The following UBXN4 variants were observed in gnomAD, a reference collection of about 807,000 sequenced individuals.
UBXN4 encodes the protein UBX domain-containing protein 4.
A neutral mutation model predicts 66.2 loss-of-function variants in UBXN4; 35 were observed. That is an observed-to-expected ratio of 0.53 (90% CI 0.40 to 0.70). The LOEUF is 0.70. UBXN4 is among the 30% of genes least tolerant of loss of function. UBXN4 has a pLI of 0.00. For missense variants in UBXN4, 533 were observed against 599.8 expected, an observed-to-expected ratio of 0.89 and a Z score of 1.16; for synonymous variants, 203 against 204.5, an observed-to-expected ratio of 0.99 and a Z score of 0.06.
intron 3 of UBXN4, 51 bp downstream of exon 3, chr2:135,753,618 T>C: frequency 7.4e-7 from 1 of 1,343,764 alleles, no homozygotes; most frequent in South Asian, 1.7e-5. Flanking sequence ...TTTACCTTCC[T>C]TTTGGTTAAT....
chr2:135,766,586 A>G (rs1053197585), intron 6 of UBXN4, among the ~76,000 whole-genome samples: 4 of 152,216 alleles, frequency 2.6e-5, no homozygotes, highest in East Asian at 3.8e-4. Context: ...TGTTTCTACA[A>G]TGTCCTTTGA....
chr2:135,757,198 T>C (rs912311896), intron 5 of UBXN4, among the ~76,000 whole-genome samples: 2 of 152,186 alleles, frequency 1.3e-5, no homozygotes, highest in Admixed American at 6.5e-5. Context: ...TTCACACTTA[T>C]TTTTTCTTCT....
intron 9 of UBXN4, among the ~76,000 whole-genome samples, chr2:135,774,294 G>C (rs1457080663): frequency 6.6e-6 from 1 of 152,054 alleles, no homozygotes; most frequent in Non-Finnish European, 1.5e-5. Context: ...TTGGACAACT[G>C]AATATCTACA....
chr2:135,741,893 C>CTA lies in UBXN4; in HGVS notation c.-36_-35dup. The CTA allele has an allele frequency of 6.3e-7, 1 of 1,596,644 alleles. No individual in the cohort carries two copies. Among genetic ancestry groups the CTA allele is most frequent in the Non-Finnish European group, 8.5e-7 (1 of 1,172,100 alleles). On this transcript the variant is annotated 5_prime_UTR_variant, in exon 1 of 13. Coordinates refer to ENST00000272638, the MANE Select transcript of UBXN4 (RefSeq NM_014607.4). ...GGAGCCGGCTTCGGGACTGCGGAGA[C>CTA]TACACACCGAGCGAGCGCCTGGGCC...
At chr2:135,764,496 A>G (rs1340510994) in intron 6 of UBXN4, among the ~76,000 whole-genome samples, 1 of 152,014 alleles carries the variant, frequency 6.6e-6, no homozygotes, top group Non-Finnish European at 1.5e-5. Context: ...ATTAATGGAT[A>G]TACAATGGTT....
intron 2 of UBXN4, among the ~76,000 whole-genome samples, chr2:135,749,033 C>G (rs1043821966): frequency 6.7e-6 from 1 of 150,162 alleles, no homozygotes; most frequent in Non-Finnish European, 1.5e-5. Flanking sequence ...GAGAGCAAGA[C>G]TATCTCAAAA....
At chr2:135,770,240 G>C (rs184562308) in intron 7 of UBXN4, among the ~76,000 whole-genome samples, 17 of 152,226 alleles carry the variant, frequency 1.1e-4, no homozygotes, top group African/African-American at 4.1e-4. Context: ...CATGTCTTTG[G>C]AGTTCTAATA....
At chr2:135,759,411 A>G (rs1240123810) in intron 5 of UBXN4, among the ~76,000 whole-genome samples, 2 of 152,056 alleles carry the variant, frequency 1.3e-5, no homozygotes, top group Non-Finnish European at 1.5e-5. Flanking sequence ...ATATATTGCT[A>G]TTGGTTGATG....
intron 6 of UBXN4, among the ~76,000 whole-genome samples, chr2:135,767,796 G>C (rs2077357250): frequency 6.6e-6 from 1 of 152,098 alleles, no homozygotes; most frequent in Non-Finnish European, 1.5e-5. Context: ...GAATTTCTGG[G>C]TTATACATAG....
In UBXN4 at chr2:135,784,278, C is replaced by T. The variant is rs2077470492; in HGVS notation, c.*1391C>T. ...CAAGAACTGGAAACCAACTAAATGC[C>T]TTCTATAGAAGTAATTTTTGATGAG... On this transcript the variant is annotated 3_prime_UTR_variant, in exon 13 of 13. Coordinates refer to ENST00000272638, the MANE Select transcript of UBXN4 (RefSeq NM_014607.4). 1 of 152,082 alleles carries T rather than the reference C, an allele frequency of 6.6e-6. No homozygotes were observed. Among genetic ancestry groups the T allele is most frequent in the Non-Finnish European group, 1.5e-5 (1 of 67,998 alleles). 9.4% of individuals were successfully genotyped at this position (152,082 alleles called of 1,614,324 possible).
At chr2:135,743,869 A>ATG (rs1244487561) in intron 1 of UBXN4, among the ~76,000 whole-genome samples, 1 of 151,960 alleles carries the variant, frequency 6.6e-6, no homozygotes, top group Non-Finnish European at 1.5e-5. Context: ...TTGTGTATAT[A>ATG]TATATACTTT....
intron 3 of UBXN4, chr2:135,753,872 A>G: frequency 2.2e-6 from 1 of 455,086 alleles, no homozygotes; most frequent in East Asian, 3.9e-5. Context: ...TTGGGTTGGA[A>G]TGTTACAAGT....
intron 6 of UBXN4, among the ~76,000 whole-genome samples, chr2:135,762,633 G>C (rs1352305548): frequency 6.6e-6 from 1 of 151,838 alleles, no homozygotes; most frequent in Non-Finnish European, 1.5e-5. Flanking sequence ...GAGTTTGCTT[G>C]TGACTCAGTA....
Position 135,768,108 on chromosome 2 carries a change from TGAA to T in UBXN4, c.603-1660_603-1658del, listed in dbSNP as rs558819563. ...GAAATATAATTCACTACCATGAAAT[TGAA>T]AGTGTACAATTCAGTGAGTTTTAGT... On this transcript the variant is annotated intron_variant, in intron 6 of 12. Transcript: ENST00000272638. Among the ~76,000 whole-genome samples, 6 of 152,340 alleles carry T rather than the reference TGAA, an allele frequency of 3.9e-5. No individual in the cohort carries two copies. In the South Asian group the frequency reaches 1.2e-3, roughly 32 times the overall value.
chr2:135,766,969 C>G (rs1490917321), intron 6 of UBXN4, among the ~76,000 whole-genome samples: 1 of 152,140 alleles, frequency 6.6e-6, no homozygotes, highest in East Asian at 1.9e-4. Context: ...TAGAGAAATG[C>G]TTTGATCTAC....
intron 3 of UBXN4, chr2:135,753,940 G>A: frequency 4.1e-6 from 2 of 484,846 alleles, no homozygotes; most frequent in East Asian, 3.6e-5. Context: ...TGATAGAGGA[G>A]AATGTAGTAG....
intron 10 of UBXN4, 131 bp downstream of exon 10, chr2:135,776,482 C>G (rs1187140219): frequency 3.0e-6 from 2 of 669,026 alleles, no homozygotes; most frequent in African/African-American, 3.6e-5. Context: ...CAAGACGCCT[C>G]TGAGATATTG....
At chr2:135,778,190 A>C (rs1382212644) in intron 10 of UBXN4, among the ~76,000 whole-genome samples, 56 of 104,786 alleles carry the variant, frequency 5.3e-4, no homozygotes, top group African/African-American at 1.8e-3. Flanking sequence ...AAAAAAAAAC[A>C]AAAAAAAACC....
At chr2:135,765,700 A>G (rs926244423) in intron 6 of UBXN4, among the ~76,000 whole-genome samples, 2 of 150,244 alleles carry the variant, frequency 1.3e-5, no homozygotes, top group Non-Finnish European at 2.9e-5. Flanking sequence ...ATTTCACTTC[A>G]TGCCTAGATA....
Sources: gnomAD v4.1 joint callset for allele counts (sites outside exome capture counted in the v4.1 genomes callset) on GRCh38, gnomAD v4.1.1 for gene constraint, MANE v1.5 for transcripts, NCBI Gene and HGNC (gene_info 2026-07-23, HGNC 2026-07-21) for gene names.